The following CNTN3 variants were observed in gnomAD, a reference collection of about 807,000 sequenced individuals.
CNTN3 encodes the protein contactin-3.
Under a neutral mutation model 119.1 loss-of-function variants are expected in CNTN3, and 60 were observed. That is an observed-to-expected ratio of 0.50 (90% CI 0.41 to 0.62). The LOEUF (loss-of-function observed/expected upper bound fraction) is 0.62, where lower values mean the gene tolerates loss of function less well. Among genes scored for constraint, CNTN3 ranks in the 20% least tolerant of loss-of-function variants. CNTN3 has a pLI of 0.00. For missense variants in CNTN3, 1,101 were observed against 1,242.4 expected (o/e 0.89, Z 1.71); for synonymous variants, 450 against 438.7 (o/e 1.03, Z -0.32).
chr3:74,282,822 C>T (rs1702039987), intron 20 of CNTN3, among the ~76,000 whole-genome samples: 1 of 152,098 alleles, frequency 6.6e-6, no homozygotes, highest in South Asian at 2.1e-4. Flanking sequence ...AAATTATTAA[C>T]ATAAAATTTA....
chr3:74,522,259 T>C (rs1004963617), intron 1 of CNTN3, among the ~76,000 whole-genome samples: 1 of 151,924 alleles, frequency 6.6e-6, no homozygotes, highest in Non-Finnish European at 1.5e-5. Flanking sequence ...ATCTAATATA[T>C]ATTCTTGGGT....
At chr3:74,468,798 C>CTA (rs1412546625) in intron 4 of CNTN3, among the ~76,000 whole-genome samples, 1 of 103,776 alleles carries the variant, frequency 9.6e-6, no homozygotes, top group Non-Finnish European at 2.2e-5. Flanking sequence ...TGATCAACAC[C>CTA]TATATACGTG....
At chr3:74,426,947 C>T (rs1019437603) in intron 4 of CNTN3, among the ~76,000 whole-genome samples, 4 of 152,152 alleles carry the variant, frequency 2.6e-5, no homozygotes, top group African/African-American at 4.8e-5. Context: ...TTCTGCCATA[C>T]AATTTCACAG....
chr3:74,501,057 C>T (rs1703158315), intron 2 of CNTN3, among the ~76,000 whole-genome samples: 1 of 151,884 alleles, frequency 6.6e-6, no homozygotes, highest in South Asian at 2.1e-4. Flanking sequence ...TACCCTAGGT[C>T]TGATCTTTGC....
chr3:74,548,732 C>G (rs1159840057), intron 1 of CNTN3, among the ~76,000 whole-genome samples: 1 of 152,056 alleles, frequency 6.6e-6, no homozygotes, highest in Admixed American at 6.5e-5. Context: ...ATTCAATGAC[C>G]TGCTGTATGC....
chr3:74,376,908 A>T (rs1704488400), intron 5 of CNTN3, among the ~76,000 whole-genome samples: 1 of 149,580 alleles, frequency 6.7e-6, no homozygotes, highest in Non-Finnish European at 1.5e-5. Context: ...TTTTCAAAAA[A>T]ACAAACAAAC....
At chr3:74,428,922 G>T (rs375522812) in intron 4 of CNTN3, among the ~76,000 whole-genome samples, 16 of 152,204 alleles carry the variant, frequency 1.1e-4, no homozygotes, top group African/African-American at 3.6e-4. Context: ...TGTCACAATT[G>T]CCTACAGTAT....
At chr3:74,485,648 G>A (rs773908306) in intron 4 of CNTN3, among the ~76,000 whole-genome samples, 2 of 151,814 alleles carry the variant, frequency 1.3e-5, no homozygotes, top group Non-Finnish European at 2.9e-5. Context: ...TTATTGAGGT[G>A]TGAATAACTA....
rs888460923 is a variant in CNTN3, at chr3:74,354,425, T to C, written c.1364+7465A>G. ...TAAATAATCTTTAAAATACACCAAC[T>C]GGCTCTTTCTCACAAACCACGTCTG... On this transcript the variant is annotated intron_variant, in intron 11 of 22. Coordinates refer to ENST00000263665, the MANE Select transcript of CNTN3 (RefSeq NM_020872.3). 2.2e-4 allele frequency among the ~76,000 whole-genome samples: 34 copies of C among 152,124 alleles called. 1 individual carries two copies. The highest frequency in any genetic ancestry group is 7.5e-4 in the African/African-American group (31 of 41,372).
chr3:74,334,838 T>C lies in CNTN3; in HGVS notation c.1565A>G (p.Gln522Arg), dbSNP rs764916304. The change falls in exon 13 of 23, where the codon CAG becomes CGG. Residue 522 changes from glutamine to arginine, a missense_variant. Gln to Arg is a conservative substitution (Grantham distance 43). Transcript: ENST00000263665. Reference protein sequence around the residue: ...SVGESVILPCQVQHDPLLDII... With the variant: ...SVGESVILPCRVQHDPLLDII... ...GTCTAACAGCGGGTCATGTTGTACC[T>C]GGCAGGGCAATATGACGCTTTCACC... is the stretch of plus-strand genomic sequence containing the variant. 3.7e-6 allele frequency: 6 copies of C among 1,613,456 alleles called. No homozygotes were observed. In the East Asian group the frequency reaches 6.7e-5, roughly 18 times the overall value.
intron 3 of CNTN3, among the ~76,000 whole-genome samples, chr3:74,487,085 C>T (rs1462759014): frequency 1.3e-5 from 2 of 152,172 alleles, no homozygotes; most frequent in Admixed American, 1.3e-4. Flanking sequence ...CTATCCATTT[C>T]AATTTGTCTG....
intron 11 of CNTN3, among the ~76,000 whole-genome samples, chr3:74,355,120 C>T (rs1703906711): frequency 1.3e-5 from 2 of 152,004 alleles, no homozygotes; most frequent in South Asian, 4.1e-4. Flanking sequence ...TCAACCAATC[C>T]CAAACTGAAC....
chr3:74,292,695 T>A (rs1269855965), intron 19 of CNTN3, among the ~76,000 whole-genome samples: 1 of 152,194 alleles, frequency 6.6e-6, no homozygotes, highest in Non-Finnish European at 1.5e-5. Context: ...ATTCTACAGG[T>A]GAGGAAAACG....
In CNTN3 at chr3:74,521,190, A is replaced by G. The variant is rs1703537195; in HGVS notation, c.-78T>C. 1.4e-6 allele frequency: 1 copy of G among 707,532 alleles called. No individual in the cohort carries two copies. The highest frequency in any genetic ancestry group is 3.1e-5 in the Admixed American group (1 of 32,300). 43.8% of individuals were successfully genotyped at this position (707,532 alleles called of 1,614,324 possible). On this transcript the variant is annotated splice_region_variant and 5_prime_UTR_variant, in exon 2 of 23. Coordinates refer to ENST00000263665, the MANE Select transcript of CNTN3 (RefSeq NM_020872.3). ...TGCTTTCTCTTCAGGTAAATCCTTT[A>G]ATCTGTAAAATATATGTACAAAGAA...
intron 2 of CNTN3, among the ~76,000 whole-genome samples, chr3:74,516,050 C>T (rs866584689): frequency 2.6e-5 from 4 of 152,026 alleles, no homozygotes; most frequent in Middle Eastern, 3.4e-3. Flanking sequence ...ATGTACAACA[C>T]ACCATACAGA....
intron 4 of CNTN3, among the ~76,000 whole-genome samples, chr3:74,464,208 G>A: frequency 6.6e-6 from 1 of 152,214 alleles, no homozygotes; most frequent in East Asian, 1.9e-4. Context: ...CATTAGTACT[G>A]TGCTTGGTCC....
chr3:74,480,242 T>C (rs1479586175), intron 4 of CNTN3, among the ~76,000 whole-genome samples: 1 of 152,100 alleles, frequency 6.6e-6, no homozygotes, highest in African/African-American at 2.4e-5. Context: ...CTCTGTGAAG[T>C]TTTGGATGTG....
chr3:74,509,308 CCTTT>C lies in CNTN3; in HGVS notation c.56-9527_56-9524del, dbSNP rs1469951558. Among the ~76,000 whole-genome samples the C allele has an allele frequency of 6.7e-5, 8 of 118,858 alleles. No individual in the cohort carries two copies. The Admixed American group carries it at 9.2e-4, about 14-fold the overall frequency. 78.0% of individuals were successfully genotyped at this position (118,858 alleles called of 152,430 possible). ...CTGAATAAAAAAGTGGTGCTCCTTT[CCTTT>C]CTTTTTTTTTTTTTTTTTTGACATG... is the stretch of plus-strand genomic sequence containing the variant. On this transcript the variant is annotated intron_variant, in intron 2 of 22. Transcript: ENST00000263665.
rs765564868 is a variant in CNTN3, at chr3:74,266,571, T to G, written c.2896A>C (p.Ile966Leu). 1 of 1,613,672 alleles carries G rather than the reference T, an allele frequency of 6.2e-7. No homozygotes were observed. The stretch of plus-strand genomic sequence containing the variant: ...ACTTCAATAATGTAGTCCTCTTTAA[T>G]GGGCAGCACAAGTTCAGCTGAAGTT... ...NKTSAELVLP[I>L]KEDYIIEVKA... is the part of the protein sequence containing the mutation. The change falls in exon 22 of 23, where the codon ATT becomes CTT. Residue 966 changes from isoleucine to leucine, a missense_variant. By Grantham distance (5) the Ile-to-Leu change is conservative (BLOSUM62 2). Transcript: ENST00000263665.
Sources: gnomAD v4.1 joint callset for allele counts (sites outside exome capture counted in the v4.1 genomes callset) on GRCh38, gnomAD v4.1.1 for gene constraint, MANE v1.5 for transcripts, NCBI Gene and HGNC (gene_info 2026-07-23, HGNC 2026-07-21) for gene names.